SPINK8: variants seen among roughly 807,000 people sequenced by gnomAD.
SPINK8 encodes the protein serine peptidase inhibitor Kazal type 8 (putative), also known as serine protease inhibitor Kazal-type 8.
In SPINK8, 12 loss-of-function variants were observed where a neutral mutation model predicts 14.4. The ratio of observed to expected loss-of-function variants is 0.83; its 90% CI spans 0.53 to 1.35. SPINK8 has a LOEUF of 1.35. SPINK8 is among the 40% of genes most tolerant of loss of function. The probability of loss-of-function intolerance (pLI) is 0.00; values close to 1 mark genes in which losing one functional copy is unlikely to be tolerated. For missense variants in SPINK8, 103 were observed against 117.0 expected (o/e 0.88, Z 0.55); for synonymous variants, 32 against 37.6 (o/e 0.85, Z 0.55).
At chr3:48,309,755 A>G (rs1018700400) in intron 7 of SPINK8, 149 bp downstream of exon 7, 1 of 1,174,564 alleles carries the variant, frequency 8.5e-7, no homozygotes, top group Non-Finnish European at 1.1e-6. Context: ...TTGAATACAC[A>G]TGATAGGCTT....
chr3:48,325,171 G>A (rs1188116977), intron 4 of SPINK8, among the ~76,000 whole-genome samples: 3 of 151,376 alleles, frequency 2.0e-5, no homozygotes, highest in African/African-American at 7.3e-5. Context: ...GCTTATTTGT[G>A]TTTTTGAATC....
In SPINK8 at chr3:48,331,249, C is replaced by T. The variant is rs375794782; in HGVS notation, c.-136+1117G>A. On this transcript the variant is annotated intron_variant, in intron 2 of 7. Transcript: ENST00000434006. ...TGGGGCTTCAATATTTCCGGGAAGC[C>T]GCATTCTCCATAGAAGCTCTTGGTA... is the stretch of plus-strand genomic sequence containing the variant. Among the ~76,000 whole-genome samples, 5 of 152,080 alleles carry T rather than the reference C, an allele frequency of 3.3e-5. No homozygotes were observed. In the South Asian group the frequency reaches 8.3e-4, roughly 25 times the overall value.
At chr3:48,315,360 A>T (rs1224298236) in intron 6 of SPINK8, among the ~76,000 whole-genome samples, 1 of 152,202 alleles carries the variant, frequency 6.6e-6, no homozygotes, top group Admixed American at 6.6e-5. Flanking sequence ...CAGTCAATGG[A>T]ATCTGTCACT....
At chr3:48,319,242 C>A (rs961400284) in intron 6 of SPINK8, among the ~76,000 whole-genome samples, 1 of 152,166 alleles carries the variant, frequency 6.6e-6, no homozygotes, top group Admixed American at 6.6e-5. Flanking sequence ...TGAGTGCCTC[C>A]ACTTGAGGCT....
At chr3:48,329,587 T>G (rs562203563) in intron 2 of SPINK8, among the ~76,000 whole-genome samples, 121 of 152,384 alleles carry the variant, frequency 7.9e-4, no homozygotes, top group Middle Eastern at 3.4e-3. Flanking sequence ...GTGCAGTTAT[T>G]TTATCAAGTC....
intron 4 of SPINK8, among the ~76,000 whole-genome samples, chr3:48,323,524 G>T (rs1274183122): frequency 1.3e-5 from 2 of 152,126 alleles, no homozygotes; most frequent in African/African-American, 4.8e-5. Context: ...CTAATTCAAG[G>T]TCACGAAATT....
At position 48,328,320 on chromosome 3, in the gene SPINK8, C is replaced by T. The variant is rs199811709; in HGVS notation, c.22G>A (p.Ala8Thr). MKGICSDAILVLATSMWM... is the reference protein window; with the variant it reads MKGICSDTILVLATSMWM... ...ATGGAGGTAGCTAGAACAAGGATGG[C>T]GTCTGAGCAGATCCCCTTCATGGTG... The change falls in exon 4 of 8, where the codon GCC becomes ACC. Residue 8 changes from alanine (A) to threonine (T), a missense_variant. Transcript: ENST00000434006. The T allele has an allele frequency of 5.0e-5, 80 of 1,610,992 alleles. 1 individual carries two copies. The highest frequency in any genetic ancestry group is 6.2e-5 in the Non-Finnish European group (73 of 1,178,708).
At chr3:48,316,020 GA>G (rs1209001249) in intron 6 of SPINK8, among the ~76,000 whole-genome samples, 5 of 151,888 alleles carry the variant, frequency 3.3e-5, no homozygotes, top group Non-Finnish European at 7.4e-5. Context: ...TAATTATGAA[GA>G]AAAAAGAACA....
In SPINK8 at chr3:48,332,410, G is replaced by T. The variant is rs1291616670; in HGVS notation, c.-180C>A. On this transcript the variant is annotated 5_prime_UTR_variant, in exon 2 of 8. Coordinates refer to ENST00000434006, the MANE Select transcript of SPINK8 (RefSeq NM_001080525.3). The stretch of plus-strand genomic sequence containing the variant: ...TTCAATAGATCCAGATGACAGAGAG[G>T]TATGCTTCCTCAATGCCTCCCTTAG... Among the ~76,000 whole-genome samples the T allele has an allele frequency of 6.6e-6, 1 of 152,206 alleles. No individual in the cohort carries two copies. The highest frequency in any genetic ancestry group is 1.5e-5 in the Non-Finnish European group (1 of 68,030).
At chr3:48,327,869 A>G (rs1001554965) in intron 4 of SPINK8, among the ~76,000 whole-genome samples, 4 of 152,172 alleles carry the variant, frequency 2.6e-5, no homozygotes, top group African/African-American at 4.8e-5. Flanking sequence ...GCCTTCAGAG[A>G]TTCCCTACTG....
At chr3:48,314,797 G>T (rs1216819312) in intron 6 of SPINK8, among the ~76,000 whole-genome samples, 1 of 152,148 alleles carries the variant, frequency 6.6e-6, no homozygotes, top group Non-Finnish European at 1.5e-5. Context: ...AGTAAGTTAG[G>T]CAATGAGATG....
intron 4 of SPINK8, among the ~76,000 whole-genome samples, chr3:48,325,992 C>G (rs1056973274): frequency 1.3e-5 from 2 of 151,662 alleles, no homozygotes; most frequent in Non-Finnish European, 2.9e-5. Context: ...CTCAGTCTGC[C>G]TCACCTGGGA....
chr3:48,321,968 A>T (rs1248220744), intron 4 of SPINK8, among the ~76,000 whole-genome samples: 1 of 151,996 alleles, frequency 6.6e-6, no homozygotes, highest in Non-Finnish European at 1.5e-5. Flanking sequence ...ATGCACCACT[A>T]TGACCAACTT....
intron 6 of SPINK8, among the ~76,000 whole-genome samples, chr3:48,315,783 A>C (rs2035983238): frequency 6.6e-6 from 1 of 151,606 alleles, no homozygotes; most frequent in African/African-American, 2.4e-5. Context: ...AAAGAACTAA[A>C]GGCAAGTATG....
At chr3:48,330,390 G>A (rs561273565) in intron 2 of SPINK8, among the ~76,000 whole-genome samples, 4 of 152,180 alleles carry the variant, frequency 2.6e-5, no homozygotes, top group South Asian at 2.1e-4. Flanking sequence ...GTGGTGGTGC[G>A]TGCCTGTAAT....
At chr3:48,323,220 C>T (rs1227378490) in intron 4 of SPINK8, among the ~76,000 whole-genome samples, 2 of 152,120 alleles carry the variant, frequency 1.3e-5, no homozygotes, top group Non-Finnish European at 2.9e-5. Flanking sequence ...TCTCTGCTTA[C>T]TACAACCTCC....
At chr3:48,319,376 A>T (rs1488880956) in intron 6 of SPINK8, 121 bp downstream of exon 6, 2 of 1,148,502 alleles carry the variant, frequency 1.7e-6, no homozygotes, top group African/African-American at 3.1e-5. Flanking sequence ...CAAATACTGG[A>T]GGAATGTCTG....
intron 2 of SPINK8, among the ~76,000 whole-genome samples, chr3:48,330,344 C>A (rs927658404): frequency 1.3e-5 from 2 of 152,038 alleles, no homozygotes; most frequent in African/African-American, 2.4e-5. Flanking sequence ...CATGGTGAGA[C>A]CCTGTCTCTA....
chr3:48,317,123 C>T (rs2036003533), intron 6 of SPINK8, among the ~76,000 whole-genome samples: 1 of 152,162 alleles, frequency 6.6e-6, no homozygotes. Flanking sequence ...AATGGGTGTA[C>T]AATGAATAAA....
Sources: gnomAD v4.1 joint callset for allele counts (sites outside exome capture counted in the v4.1 genomes callset) on GRCh38, gnomAD v4.1.1 for gene constraint, MANE v1.5 for transcripts, NCBI Gene and HGNC (gene_info 2026-07-23, HGNC 2026-07-21) for gene names.